Variants in NALCN observed in about 807,000 individuals in gnomAD.
The protein encoded by NALCN is sodium leak channel NALCN.
NALCN carries 111 observed loss-of-function variants against 225.3 expected under a neutral mutation model. That is an observed-to-expected ratio of 0.49 (90% CI 0.42 to 0.58). The LOEUF is 0.58. Among genes scored for constraint, NALCN ranks in the 20% least tolerant of loss-of-function variants. NALCN has a pLI of 0.00. For missense variants in NALCN, 1,378 were observed against 2,202.4 expected, an observed-to-expected ratio of 0.63 and a Z score of 7.49; for synonymous variants, 764 against 769.0, an observed-to-expected ratio of 0.99 and a Z score of 0.11.
In NALCN at chr13:101,100,050, G is replaced by A. The variant is rs374844883; in HGVS notation, c.3162+734C>T. Among the ~76,000 whole-genome samples, 83 of 152,242 alleles carry A rather than the reference G, an allele frequency of 5.5e-4. 2 individuals are homozygous for A. The highest frequency in any genetic ancestry group is 1.8e-3 in the African/African-American group (73 of 41,554). Reference sequence around the variant, plus strand: ...GACTGAAGAAAGAGAAAGAAACGCCGTAGTGCAAGTATTCAAGTTTGGGTC... The same window carrying A: ...GACTGAAGAAAGAGAAAGAAACGCCATAGTGCAAGTATTCAAGTTTGGGTC... On this transcript the variant is annotated intron_variant, in intron 27 of 43. Transcript: ENST00000251127.
intron 10 of NALCN, among the ~76,000 whole-genome samples, chr13:101,275,975 AAT>A (rs2042956165): frequency 6.7e-6 from 1 of 148,964 alleles, no homozygotes; most frequent in African/African-American, 2.5e-5. Flanking sequence ...GAGGCAGGAG[AAT>A]CGCTTGAACC....
chr13:101,328,459 G>A lies in NALCN; in HGVS notation c.799+16807C>T, dbSNP rs532435290. 5.3e-3 allele frequency among the ~76,000 whole-genome samples: 802 copies of A among 152,120 alleles called. 5 individuals are homozygous for A. Among genetic ancestry groups the A allele is most frequent in the Non-Finnish European group, 9.2e-3 (627 of 68,014 alleles). On this transcript the variant is annotated intron_variant, in intron 7 of 43. Coordinates refer to ENST00000251127, the MANE Select transcript of NALCN (RefSeq NM_052867.4). ...CCCAAGTAGCTGGGACCACAGGCAT[G>A]CACCACCACACCCAGCAAAGTACTG...
intron 6 of NALCN, among the ~76,000 whole-genome samples, chr13:101,362,266 G>A (rs1355677424): frequency 1.3e-5 from 2 of 152,006 alleles, no homozygotes; most frequent in Admixed American, 6.6e-5. Flanking sequence ...ACATATGGAT[G>A]TGGATCTCTA....
chr13:101,256,106 G>A (rs1388692174), intron 11 of NALCN, among the ~76,000 whole-genome samples: 1 of 152,030 alleles, frequency 6.6e-6, no homozygotes, highest in Non-Finnish European at 1.5e-5. Context: ...TTTCTGCCTT[G>A]ACTCCATCAA....
At chr13:101,115,587 G>C (rs1047373230) in intron 18 of NALCN, among the ~76,000 whole-genome samples, 4 of 152,138 alleles carry the variant, frequency 2.6e-5, no homozygotes, top group Non-Finnish European at 5.9e-5. Context: ...AGAAGAACTT[G>C]AATATTCCAT....
At chr13:101,061,064 T>G (rs943113194) in intron 41 of NALCN, among the ~76,000 whole-genome samples, 2 of 152,220 alleles carry the variant, frequency 1.3e-5, no homozygotes, top group Non-Finnish European at 2.9e-5. Context: ...TGCTTTGGGT[T>G]TTTTCCCTGT....
intron 7 of NALCN, among the ~76,000 whole-genome samples, chr13:101,302,011 T>G (rs1289576842): frequency 6.6e-6 from 1 of 152,202 alleles, no homozygotes; most frequent in African/African-American, 2.4e-5. Flanking sequence ...GTCTTTTAGT[T>G]TTGTCACCCA....
At chr13:101,371,153 T>G (rs2046527452) in intron 6 of NALCN, among the ~76,000 whole-genome samples, 1 of 152,192 alleles carries the variant, frequency 6.6e-6, no homozygotes, top group African/African-American at 2.4e-5. Flanking sequence ...TATCTATCTG[T>G]TGATGGAAAT....
intron 18 of NALCN, among the ~76,000 whole-genome samples, chr13:101,121,231 G>A (rs1309134677): frequency 6.6e-6 from 1 of 151,936 alleles, no homozygotes; most frequent in African/African-American, 2.4e-5. Flanking sequence ...CCTCCTCCTA[G>A]CTCCCATGGA....
At position 101,062,061 on chromosome 13, in the gene NALCN, C is replaced by T; in HGVS notation, c.4662G>A (p.Leu1554=). The T allele has an allele frequency of 1.2e-6, 2 of 1,614,188 alleles. No individual in the cohort carries two copies. The highest frequency in any genetic ancestry group is 1.6e-4 in the Middle Eastern group (1 of 6,062). Residue 1554 remains leucine, a synonymous_variant, in exon 41 of 44, where the codon CTG becomes CTA. Transcript: ENST00000251127. ...TGGTGTACTCCAGCTGCTCCCTCGC[C>T]AGGAGTTCCTCCAGCTGCAAGCTCT... The part of the protein sequence containing the change: ...IRKSLQLEEL[L]AREQLEYTIE...
At chr13:101,314,111 T>C (rs1424485658) in intron 7 of NALCN, among the ~76,000 whole-genome samples, 1 of 128,354 alleles carries the variant, frequency 7.8e-6, no homozygotes, top group African/African-American at 3.0e-5. Flanking sequence ...AATTGAACAA[T>C]GAGAACACAT....
At chr13:101,383,454 C>A (rs1054411185) in intron 3 of NALCN, among the ~76,000 whole-genome samples, 1 of 151,804 alleles carries the variant, frequency 6.6e-6, no homozygotes, top group Non-Finnish European at 1.5e-5. Flanking sequence ...TGAGTGTATT[C>A]TGAAGATGAG....
At chr13:101,386,518 A>G (rs1358487807) in intron 3 of NALCN, among the ~76,000 whole-genome samples, 4 of 152,138 alleles carry the variant, frequency 2.6e-5, no homozygotes, top group African/African-American at 4.8e-5. Flanking sequence ...CTTGGGTTTA[A>G]GAATATAACT....
intron 39 of NALCN, 67 bp from the exon 40 acceptor site, chr13:101,065,628 GA>G (rs113202388): frequency 0.025 from 27,463 of 1,113,102 alleles, 6 homozygotes; most frequent in South Asian, 0.043. Flanking sequence ...TTTCTCAAAA[GA>G]AAAAAAAAAA....
chr13:101,309,499 C>A (rs1335081444), intron 7 of NALCN, among the ~76,000 whole-genome samples: 1 of 152,194 alleles, frequency 6.6e-6, no homozygotes, highest in Non-Finnish European at 1.5e-5. Flanking sequence ...TCAATCAAAG[C>A]ATGCTCATTG....
intron 11 of NALCN, 132 bp from the exon 12 acceptor site, chr13:101,238,054 A>G (rs1005148601): frequency 3.0e-6 from 2 of 667,352 alleles, no homozygotes; most frequent in African/African-American, 1.9e-5. Flanking sequence ...GTCAAGAATG[A>G]CATTTTACTT....
At chr13:101,236,209 T>C (rs2041547749) in intron 12 of NALCN, among the ~76,000 whole-genome samples, 1 of 152,212 alleles carries the variant, frequency 6.6e-6, no homozygotes, top group Non-Finnish European at 1.5e-5. Flanking sequence ...AAAACCACAA[T>C]GAGATACCAT....
In NALCN at chr13:101,229,008, TCTGA is replaced by T. The variant is rs543734893; in HGVS notation, c.1626+381_1626+384del. Among the ~76,000 whole-genome samples the T allele has an allele frequency of 1.1e-3, 160 of 152,334 alleles. 1 individual carries two copies. Among genetic ancestry groups the T allele is most frequent in the African/African-American group, 3.7e-3 (155 of 41,574 alleles). ...GAAAATCAAAAGCTTCCTTCTAGATTCTGACTAACATAACAATATATAAATTATA... is the reference window on the plus strand; with the variant it reads ...GAAAATCAAAAGCTTCCTTCTAGATTCTAACATAACAATATATAAATTATA... On this transcript the variant is annotated intron_variant, in intron 13 of 43. Coordinates refer to ENST00000251127, the MANE Select transcript of NALCN (RefSeq NM_052867.4).
chr13:101,310,459 G>A (rs1207542324), intron 7 of NALCN, among the ~76,000 whole-genome samples: 1 of 152,112 alleles, frequency 6.6e-6, no homozygotes, highest in Non-Finnish European at 1.5e-5. Context: ...TCCCCAGAGA[G>A]CCATGTGACT....
Sources: gnomAD v4.1 joint callset for allele counts (sites outside exome capture counted in the v4.1 genomes callset) on GRCh38, gnomAD v4.1.1 for gene constraint, MANE v1.5 for transcripts, NCBI Gene and HGNC (gene_info 2026-07-23, HGNC 2026-07-21) for gene names.